SNX29: variants seen among roughly 807,000 people sequenced by gnomAD.
The protein encoded by SNX29 is sorting nexin-29.
A neutral mutation model predicts 102.1 loss-of-function variants in SNX29; 78 were observed. The ratio of observed to expected loss-of-function variants is 0.76; its 90% CI spans 0.64 to 0.92. SNX29 has a LOEUF of 0.92. SNX29 is among the 40% of genes least tolerant of loss of function. SNX29 has a pLI of 0.00. For synonymous variants in SNX29, 580 were observed against 414.5 expected (o/e 1.40, Z -4.85); for missense variants, 1,280 against 1,061.7 (o/e 1.21, Z -2.86).
At chr16:12,244,187 T>G (rs112486280) in intron 14 of SNX29, among the ~76,000 whole-genome samples, 3,168 of 152,262 alleles carry the variant, frequency 0.021, 78 homozygotes, top group African/African-American at 0.053. Flanking sequence ...TCCTGCTGTG[T>G]GGCCTGGTTC....
intron 5 of SNX29, among the ~76,000 whole-genome samples, chr16:12,043,368 T>C (rs1399916526): frequency 6.6e-6 from 1 of 152,072 alleles, no homozygotes; most frequent in Non-Finnish European, 1.5e-5. Context: ...TTTTTTTTTT[T>C]TTTAAAGACA....
intron 20 of SNX29, among the ~76,000 whole-genome samples, chr16:12,544,483 G>T (rs984218713): frequency 6.6e-6 from 1 of 152,112 alleles, no homozygotes; most frequent in African/African-American, 2.4e-5. Flanking sequence ...TTTTATGATT[G>T]GGGTCGGCTG....
intron 20 of SNX29, among the ~76,000 whole-genome samples, chr16:12,549,097 C>T (rs909023333): frequency 1.3e-5 from 2 of 152,166 alleles, no homozygotes; most frequent in African/African-American, 2.4e-5. Flanking sequence ...GTTACAGTGT[C>T]ATTTCTTGGG....
At chr16:12,050,637 C>A (rs2050260447) in intron 7 of SNX29, among the ~76,000 whole-genome samples, 1 of 152,082 alleles carries the variant, frequency 6.6e-6, no homozygotes, top group Admixed American at 6.5e-5. Context: ...GGGGTCAGGG[C>A]CACTGTCCAG....
intron 13 of SNX29, among the ~76,000 whole-genome samples, chr16:12,180,582 C>T (rs1357859721): frequency 1.3e-5 from 2 of 151,968 alleles, no homozygotes; most frequent in African/African-American, 2.4e-5. Context: ...CTCCCGGGTT[C>T]ACGCCATTCT....
chr16:12,248,989 G>A (rs1738904055), intron 14 of SNX29, among the ~76,000 whole-genome samples: 1 of 152,104 alleles, frequency 6.6e-6, no homozygotes, highest in East Asian at 1.9e-4. Context: ...GTGCGGTGCT[G>A]GGTCCACATG....
chr16:12,419,377 G>A (rs1282184327), intron 18 of SNX29, among the ~76,000 whole-genome samples: 1 of 152,116 alleles, frequency 6.6e-6, no homozygotes. Context: ...CAGTGTGGGA[G>A]ACAGCTGACC....
intron 4 of SNX29, among the ~76,000 whole-genome samples, chr16:12,042,409 C>T (rs191297806): frequency 2.2e-3 from 336 of 152,244 alleles, no homozygotes; most frequent in Non-Finnish European, 3.7e-3. Flanking sequence ...GTTTAGGGCA[C>T]GATTGAACCC....
chr16:12,137,210 A>G (rs9673132), intron 13 of SNX29, among the ~76,000 whole-genome samples: 5,070 of 152,320 alleles, frequency 0.033, 120 homozygotes, highest in East Asian at 0.17. Flanking sequence ...AGCACTCAGC[A>G]TAGCTCCAGG....
intron 3 of SNX29, among the ~76,000 whole-genome samples, chr16:12,008,828 A>G (rs922810596): frequency 7.1e-6 from 1 of 141,770 alleles, no homozygotes; most frequent in Non-Finnish European, 1.5e-5. Flanking sequence ...TGCAACCTCC[A>G]CCTCCCGGGT....
chr16:12,467,126 C>T lies in SNX29; in HGVS notation c.2038-10593C>T, dbSNP rs138608816. On this transcript the variant is annotated intron_variant, in intron 18 of 20. Transcript: ENST00000566228. ...CAGTCCTTGTTTCACTTCTAACTAGCTCTTTGCTAGACCAGTGGCTCAGAC... is the reference window on the plus strand; with the variant it reads ...CAGTCCTTGTTTCACTTCTAACTAGTTCTTTGCTAGACCAGTGGCTCAGAC... 2.7e-3 allele frequency among the ~76,000 whole-genome samples: 410 copies of T among 152,292 alleles called. 1 individual carries two copies. Among genetic ancestry groups the T allele is most frequent in the Middle Eastern group, 6.8e-3 (2 of 294 alleles).
chr16:12,565,238 A>T (rs146439781), intron 20 of SNX29, among the ~76,000 whole-genome samples: 11 of 152,304 alleles, frequency 7.2e-5, no homozygotes, highest in African/African-American at 2.6e-4. Context: ...GGCTGTTCTC[A>T]ATCTATAAAG....
chr16:12,340,272 T>G (rs557427906), intron 15 of SNX29, among the ~76,000 whole-genome samples: 1 of 152,298 alleles, frequency 6.6e-6, no homozygotes, highest in Non-Finnish European at 1.5e-5. Context: ...CAGAATCTGG[T>G]CTCTGCAAAG....
At chr16:12,493,592 G>C (rs1357035913) in intron 19 of SNX29, among the ~76,000 whole-genome samples, 3 of 152,170 alleles carry the variant, frequency 2.0e-5, no homozygotes, top group African/African-American at 7.2e-5. Flanking sequence ...AGTGGTGAGA[G>C]AGGGCGTTGT....
At chr16:12,554,606 G>A (rs958148487) in intron 20 of SNX29, among the ~76,000 whole-genome samples, 2 of 152,168 alleles carry the variant, frequency 1.3e-5, no homozygotes, top group Non-Finnish European at 2.9e-5. Context: ...AGCCAGAGGA[G>A]CTCACTCACA....
intron 20 of SNX29, among the ~76,000 whole-genome samples, chr16:12,555,972 CTTTCAAT>C (rs1157709915): frequency 2.0e-5 from 3 of 148,832 alleles, no homozygotes; most frequent in African/African-American, 4.9e-5. Flanking sequence ...ATCTGCGTGG[CTTTCAAT>C]TTTCAAGTGT....
chr16:12,436,952 C>T (rs1470476247), intron 18 of SNX29, among the ~76,000 whole-genome samples: 1 of 152,228 alleles, frequency 6.6e-6, no homozygotes, highest in Non-Finnish European at 1.5e-5. Context: ...CACGCCCGGC[C>T]TCTTTCCTTG....
chr16:12,464,148 A>T (rs894022679), intron 18 of SNX29, among the ~76,000 whole-genome samples: 1 of 151,560 alleles, frequency 6.6e-6, no homozygotes, highest in Non-Finnish European at 1.5e-5. Context: ...ATTTGGTGTA[A>T]TACGATCCCC....
chr16:12,068,049 G>A (rs955368857), intron 9 of SNX29, among the ~76,000 whole-genome samples: 1 of 152,118 alleles, frequency 6.6e-6, no homozygotes, highest in African/African-American at 2.4e-5. Flanking sequence ...AGACCATGCT[G>A]CCCTCTACTG....
Sources: gnomAD v4.1 joint callset for allele counts (sites outside exome capture counted in the v4.1 genomes callset) on GRCh38, gnomAD v4.1.1 for gene constraint, MANE v1.5 for transcripts, NCBI Gene and HGNC (gene_info 2026-07-23, HGNC 2026-07-21) for gene names.